Variants in COPG1 observed in about 807,000 individuals in gnomAD.
The protein encoded by COPG1 is coatomer subunit gamma-1.
In COPG1, 29 loss-of-function variants were observed where a neutral mutation model predicts 102.8. The ratio of observed to expected loss-of-function variants is 0.28; its 90% confidence interval spans 0.21 to 0.38. The LOEUF is 0.38. Ranked by LOEUF, COPG1 falls within the 10% of genes least tolerant of loss-of-function variation. The pLI, the probability that COPG1 is intolerant of heterozygous loss-of-function variation, is 1.00. For synonymous variants in COPG1, 406 were observed against 421.6 expected, an observed-to-expected ratio of 0.96 and a Z score of 0.45; for missense variants, 875 against 1,132.7, an observed-to-expected ratio of 0.77 and a Z score of 3.27.
chr3:129,266,431 A>AT lies in COPG1; in HGVS notation c.1469-583dup, dbSNP rs556687147. On this transcript the variant is annotated intron_variant, in intron 14 of 23. Coordinates refer to ENST00000314797, the MANE Select transcript of COPG1 (RefSeq NM_016128.4). Reference sequence around the variant, plus strand: ...GAGCCACTGTGCCTTGCCTTAAGTGATTTTTTTTTTAACTTTCACTGTATG... The same window carrying AT: ...GAGCCACTGTGCCTTGCCTTAAGTGATTTTTTTTTTTAACTTTCACTGTATG... 7.0e-4 allele frequency among the ~76,000 whole-genome samples: 105 copies of AT among 150,246 alleles called. No homozygotes were observed. The East Asian group carries it at 8.3e-3, about 12-fold the overall frequency.
chr3:129,251,535 A>T (rs1939700670), intron 2 of COPG1, among the ~76,000 whole-genome samples: 1 of 151,700 alleles, frequency 6.6e-6, no homozygotes, highest in East Asian at 1.9e-4. Context: ...GGCGCACGCC[A>T]CTATGCCTGG....
At chr3:129,274,792 C>G (rs759600606) in intron 21 of COPG1, 46 bp from the exon 22 acceptor site, 3 of 1,607,904 alleles carry the variant, frequency 1.9e-6, no homozygotes. Flanking sequence ...AGCAGAGGCC[C>G]GTAGGTGTGT....
At chr3:129,276,583 A>G (rs137930571) in intron 23 of COPG1, among the ~76,000 whole-genome samples, 39 of 152,260 alleles carry the variant, frequency 2.6e-4, no homozygotes, top group Middle Eastern at 3.4e-3. Context: ...TTGTAGCCAC[A>G]TTGAAACAAC....
At chr3:129,256,006 G>C in intron 7 of COPG1, 62 bp from the exon 8 acceptor site, 2 of 1,449,750 alleles carry the variant, frequency 1.4e-6, no homozygotes, top group South Asian at 1.2e-5. Context: ...ACCAGAACTG[G>C]GCCCAGAATG....
chr3:129,272,590 A>G (rs1940205066), intron 20 of COPG1, among the ~76,000 whole-genome samples, 175 bp downstream of exon 20: 1 of 151,798 alleles, frequency 6.6e-6, no homozygotes, highest in Non-Finnish European at 1.5e-5. Context: ...TTTTTTTTTT[A>G]AAGAGACAGG....
intron 8 of COPG1, 74 bp downstream of exon 8, chr3:129,256,228 A>G: frequency 8.2e-7 from 1 of 1,223,614 alleles, no homozygotes. Flanking sequence ...TGGCATGGAC[A>G]CTTGCCACCG....
intron 18 of COPG1, among the ~76,000 whole-genome samples, chr3:129,270,974 T>C (rs1940170422): frequency 6.6e-6 from 1 of 152,234 alleles, no homozygotes. Flanking sequence ...TCTGAGTTTT[T>C]AGCAAGCTCT....
At position 129,274,969 on chromosome 3, in the gene COPG1, A is replaced by G. The variant is rs1480291047; in HGVS notation, c.2388A>G (p.Thr796=). The part of the protein sequence containing the change: ...EETFTLSTIK[T]LEEAVGNIVK... ...CGTTCACCTTGTCTACCATCAAGAC[A>G]CTTGAAGGTAAAATCCTGGGAATGC... The change falls in exon 22 of 24, where the codon ACA becomes ACG. Residue 796 remains threonine (T), a synonymous_variant. Coordinates refer to ENST00000314797, the MANE Select transcript of COPG1 (RefSeq NM_016128.4). 6.2e-7 allele frequency: 1 copy of G among 1,614,094 alleles called. No individual in the cohort carries two copies. The highest frequency in any genetic ancestry group is 1.7e-5 in the Admixed American group (1 of 60,018).
Position 129,249,748 on chromosome 3 carries a change from TGAGGGG to T in COPG1, c.37+4_37+9del. 6.4e-7 allele frequency: 1 copy of T among 1,551,182 alleles called. No individual in the cohort carries two copies. The highest frequency in any genetic ancestry group is 8.7e-7 in the Non-Finnish European group (1 of 1,146,882). On this transcript the variant is annotated splice_donor_5th_base_variant and intron_variant, in intron 1 of 23. Coordinates refer to ENST00000314797, the MANE Select transcript of COPG1 (RefSeq NM_016128.4). ...TCGACAAGAAGGATGAGGAGTCAGGTGAGGGGGCCAGGCCTGGGTCTGAGGGAGGCC... is the reference window on the plus strand; with the variant it reads ...TCGACAAGAAGGATGAGGAGTCAGGTGCCAGGCCTGGGTCTGAGGGAGGCC...
chr3:129,252,822 A>G (rs976527253), intron 4 of COPG1, 54 bp from the exon 5 acceptor site: 47 of 1,588,844 alleles, frequency 3.0e-5, no homozygotes, highest in African/African-American at 6.7e-5. Context: ...TCTTCTCCCA[A>G]CTCTGGCCCT....
chr3:129,262,971 C>T (rs150414987), intron 12 of COPG1, among the ~76,000 whole-genome samples: 6 of 144,124 alleles, frequency 4.2e-5, no homozygotes, highest in South Asian at 4.3e-4. Flanking sequence ...TGCAGTAAGC[C>T]GAGATCGTGC....
At chr3:129,254,891 C>T in intron 6 of COPG1, 94 bp from the exon 7 acceptor site, 1 of 1,205,490 alleles carries the variant, frequency 8.3e-7, no homozygotes, top group Non-Finnish European at 1.2e-6. Flanking sequence ...ACGCTTACTT[C>T]CTCCTCATAC....
intron 14 of COPG1, 131 bp downstream of exon 14, chr3:129,265,923 A>G: frequency 1.1e-6 from 1 of 891,102 alleles, no homozygotes; most frequent in Non-Finnish European, 1.7e-6. Flanking sequence ...TTTTCATAAT[A>G]TTGTAGGCAG....
intron 13 of COPG1, among the ~76,000 whole-genome samples, chr3:129,264,399 C>G (rs1424269238): frequency 6.6e-6 from 1 of 152,170 alleles, no homozygotes. Flanking sequence ...ATTACTGATT[C>G]ACTTATGCCA....
At chr3:129,251,165 C>T (rs1939688258) in intron 2 of COPG1, among the ~76,000 whole-genome samples, 1 of 150,952 alleles carries the variant, frequency 6.6e-6, no homozygotes, top group African/African-American at 2.4e-5. Context: ...CCTCGTGATC[C>T]ACCCGCCTCG....
chr3:129,250,000 C>T (rs887601323), intron 1 of COPG1, among the ~76,000 whole-genome samples: 15 of 151,964 alleles, frequency 9.9e-5, no homozygotes, highest in Non-Finnish European at 1.8e-4. Flanking sequence ...TCAATTTACC[C>T]ATCTGTCAAA....
intron 10 of COPG1, 22 bp from the exon 11 acceptor site, chr3:129,260,311 T>C (rs1939901636): frequency 6.2e-7 from 1 of 1,612,262 alleles, no homozygotes; most frequent in East Asian, 2.2e-5. Flanking sequence ...CAACCTGACA[T>C]GTGGCATCCA....
Position 129,250,709 on chromosome 3 carries a change from T to C in COPG1, c.65T>C (p.Leu22Pro), listed in dbSNP as rs1576958181. 6.2e-7 allele frequency: 1 copy of C among 1,614,046 alleles called. No homozygotes were observed. Residue 22 changes from leucine to proline, a missense_variant, in exon 2 of 24, where the codon CTT becomes CCT. Coordinates refer to ENST00000314797, the MANE Select transcript of COPG1 (RefSeq NM_016128.4). Reference sequence around the variant, plus strand: ...GGAGGCTCCAACCCATTCCAGCACCTTGAGAAGAGTGCGGTACTCCAGGAG... The same window carrying C: ...GGAGGCTCCAACCCATTCCAGCACCCTGAGAAGAGTGCGGTACTCCAGGAG... ...SGGGSNPFQH[L>P]EKSAVLQEAR...
In COPG1 at chr3:129,267,996, T is replaced by C. The variant is rs775478700; in HGVS notation, c.1604T>C (p.Leu535Pro). ...RDRATFYLNVLEQKQKALNAG... is the reference protein window; with the variant it reads ...RDRATFYLNVPEQKQKALNAG... Reference sequence around the variant, plus strand: ...CGAGCCACCTTCTACCTAAATGTCCTGGAGCAGAAGCAGAAGGCCCTTAAT... The same window carrying C: ...CGAGCCACCTTCTACCTAAATGTCCCGGAGCAGAAGCAGAAGGCCCTTAAT... The change falls in exon 16 of 24, where the codon CTG (leucine) becomes CCG (proline). Residue 535 changes from leucine to proline, a missense_variant. Physicochemically the swap from Leu to Pro is moderately conservative, Grantham distance 98. Coordinates refer to ENST00000314797, the MANE Select transcript of COPG1 (RefSeq NM_016128.4). 1 of 1,614,142 alleles carries C rather than the reference T, an allele frequency of 6.2e-7. No homozygotes were observed. Among genetic ancestry groups the C allele is most frequent in the Non-Finnish European group, 8.5e-7 (1 of 1,179,998 alleles).
Sources: allele counts gnomAD v4.1 joint callset (sites outside exome capture counted in the v4.1 genomes callset), GRCh38; gene constraint gnomAD v4.1.1; transcripts MANE v1.5; gene names NCBI Gene and HGNC (gene_info 2026-07-23, HGNC 2026-07-21).